The following SLC8A1 variants were observed in gnomAD, a reference collection of about 807,000 sequenced individuals.
SLC8A1 encodes sodium/calcium exchanger 1.
In SLC8A1, 18 loss-of-function variants were observed where a neutral mutation model predicts 68.3. The observed-to-expected ratio is 0.26, with a 90% confidence interval of 0.18 to 0.39. The LOEUF is 0.39. SLC8A1 is among the 10% of genes least tolerant of loss of function. The probability of loss-of-function intolerance (pLI) is 1.00; values close to 1 mark genes in which losing one functional copy is unlikely to be tolerated. For synonymous variants in SLC8A1, 475 were observed against 415.5 expected (o/e 1.14, Z -1.74); for missense variants, 985 against 1,156.7 (o/e 0.85, Z 2.15).
chr2:40,233,696 C>A (rs1045114089), intron 2 of SLC8A1, among the ~76,000 whole-genome samples: 6 of 146,454 alleles, frequency 4.1e-5, no homozygotes, highest in Non-Finnish European at 9.0e-5. Flanking sequence ...AATGGTAATG[C>A]CTAGGTTTTC....
At chr2:40,159,101 G>GGTCTATTGATGGGGTCATCTC (rs1220327783) in intron 6 of SLC8A1, among the ~76,000 whole-genome samples, 14 of 152,128 alleles carry the variant, frequency 9.2e-5, no homozygotes, top group Middle Eastern at 3.2e-3. Flanking sequence ...GGCCTTAATA[G>GGTCTATTGATGGGGTCATCTC]GTCTATTGAT....
chr2:40,208,320 C>T (rs1372074379), intron 2 of SLC8A1: 1 of 152,102 alleles, frequency 6.6e-6, no homozygotes, highest in Non-Finnish European at 1.5e-5. Flanking sequence ...TTTGCAAAAA[C>T]AGATCTAAAA....
chr2:40,112,030 G>A (rs1318898669), exon 8 of SLC8A1: 1 of 152,180 alleles, frequency 6.6e-6, no homozygotes, highest in African/African-American at 2.4e-5. Context: ...CTGACACTGT[G>A]TTCTCCTGGG....
At chr2:40,279,970 G>C (rs1251775083) in intron 2 of SLC8A1, among the ~76,000 whole-genome samples, 2 of 152,018 alleles carry the variant, frequency 1.3e-5, no homozygotes, top group Non-Finnish European at 2.9e-5. Flanking sequence ...TAAAAATTCT[G>C]ATTAATATAC....
intron 2 of SLC8A1, among the ~76,000 whole-genome samples, chr2:40,336,137 C>G (rs1044287052): frequency 6.6e-6 from 1 of 152,146 alleles, no homozygotes; most frequent in Non-Finnish European, 1.5e-5. Flanking sequence ...GCTCCATTCC[C>G]CTCTAATCTC....
At chr2:40,325,721 C>G (rs1053865316) in intron 2 of SLC8A1, among the ~76,000 whole-genome samples, 1 of 126,592 alleles carries the variant, frequency 7.9e-6, no homozygotes, top group East Asian at 2.3e-4. Context: ...ATCACAAGGT[C>G]AGGAGATGGA....
chr2:40,365,942 G>A (rs577719917), intron 2 of SLC8A1, among the ~76,000 whole-genome samples: 1 of 151,454 alleles, frequency 6.6e-6, no homozygotes, highest in South Asian at 2.1e-4. Context: ...GCTTCAATGA[G>A]CTATAATGGC....
intron 2 of SLC8A1, among the ~76,000 whole-genome samples, chr2:40,402,823 G>C (rs1689144133): frequency 6.6e-6 from 1 of 152,202 alleles, no homozygotes; most frequent in Admixed American, 6.5e-5. Flanking sequence ...AACTTGACTA[G>C]ACCATCATCA....
exon 8 of SLC8A1, chr2:40,112,954 C>T (rs2034745447): frequency 6.6e-6 from 1 of 152,298 alleles, no homozygotes; most frequent in African/African-American, 2.4e-5. Flanking sequence ...GATACAGTTT[C>T]AGTGTGTTTA....
At chr2:40,106,070 G>T (rs1010988702) in exon 8 of SLC8A1, 1 of 152,206 alleles carries the variant, frequency 6.6e-6, no homozygotes, top group African/African-American at 2.4e-5. Flanking sequence ...CTTTGCTTCA[G>T]ATTTCACATT....
chr2:40,451,792 G>A (rs1702568692), intron 1 of SLC8A1, 112 bp downstream of exon 1: 2 of 133,458 alleles, frequency 1.5e-5, no homozygotes, highest in African/African-American at 2.8e-5. Flanking sequence ...CACAAATTTA[G>A]AAGCCGCTCG....
intron 2 of SLC8A1, among the ~76,000 whole-genome samples, chr2:40,422,071 C>A (rs1695662225): frequency 6.6e-6 from 1 of 152,138 alleles, no homozygotes; most frequent in Non-Finnish European, 1.5e-5. Flanking sequence ...GCACCTTCCA[C>A]TGGGACCCTC....
At chr2:40,203,024 G>A (rs142946123) in intron 2 of SLC8A1, among the ~76,000 whole-genome samples, 3 of 152,040 alleles carry the variant, frequency 2.0e-5, no homozygotes, top group South Asian at 4.1e-4. Flanking sequence ...GCCATGCTAG[G>A]CTTGGAGCCC....
chr2:40,438,291 T>A (rs1354953152), intron 1 of SLC8A1, among the ~76,000 whole-genome samples: 1 of 152,158 alleles, frequency 6.6e-6, no homozygotes, highest in African/African-American at 2.4e-5. Flanking sequence ...AATGAGGTCA[T>A]ATACATGCTT....
intron 2 of SLC8A1, chr2:40,251,094 CTGA>C (rs950423006): frequency 6.6e-5 from 10 of 151,838 alleles, no homozygotes; most frequent in Admixed American, 3.9e-4. Context: ...TTAAGAGCCC[CTGA>C]AAATACTGGA....
intron 2 of SLC8A1, among the ~76,000 whole-genome samples, chr2:40,398,845 A>G (rs1304504389): frequency 6.6e-5 from 10 of 152,196 alleles, no homozygotes; most frequent in African/African-American, 1.9e-4. Flanking sequence ...TTTGATTGAT[A>G]AATGACACAC....
Position 40,198,066 on chromosome 2 carries a change from T to C in SLC8A1, c.1809-20211A>G, listed in dbSNP as rs2053430597. Among the ~76,000 whole-genome samples, 4 of 152,062 alleles carry C rather than the reference T, an allele frequency of 2.6e-5. 1 individual carries two copies. The South Asian group carries it at 8.3e-4, about 31-fold the overall frequency. ...TGAGGAACAGCAGAGGAACATAAGA[T>C]TCAGGGCAGCTCCAAACTTCTAGAA... is the stretch of plus-strand genomic sequence containing the variant. On this transcript the variant is annotated intron_variant, in intron 2 of 7. Coordinates refer to ENST00000406785, the Ensembl canonical transcript of SLC8A1.
intron 2 of SLC8A1, among the ~76,000 whole-genome samples, chr2:40,316,802 GGTGGCCCAGCATCTCA>G (rs1183589408): frequency 6.6e-6 from 1 of 151,966 alleles, no homozygotes; most frequent in Non-Finnish European, 1.5e-5. Flanking sequence ...ATTACCCAGT[GGTGGCCCAGCATCTCA>G]GAGTGCCCAA....
intron 2 of SLC8A1, among the ~76,000 whole-genome samples, chr2:40,413,296 T>G (rs1401890142): frequency 6.6e-6 from 1 of 152,162 alleles, no homozygotes; most frequent in Non-Finnish European, 1.5e-5. Context: ...TAAAGACACA[T>G]GCACACATAT....
Sources: gnomAD v4.1 joint callset for allele counts (sites outside exome capture counted in the v4.1 genomes callset) on GRCh38, gnomAD v4.1.1 for gene constraint, MANE v1.5 for transcripts, NCBI Gene and HGNC (gene_info 2026-07-23, HGNC 2026-07-21) for gene names.